Variants in QRSL1 observed in about 807,000 individuals in gnomAD.
QRSL1 encodes glutaminyl-tRNA amidotransferase subunit QRSL1, also known as glutamyl-tRNA(Gln) amidotransferase subunit A, mitochondrial.
Under a neutral mutation model 61.6 loss-of-function variants are expected in QRSL1, and 54 were observed. The observed-to-expected ratio is 0.88, with a 90% CI of 0.70 to 1.10. The LOEUF (loss-of-function observed/expected upper bound fraction) is 1.10. QRSL1 is among the 50% of genes least tolerant of loss of function. The probability of loss-of-function intolerance (pLI) is 0.00; values close to 1 mark genes in which losing one functional copy is unlikely to be tolerated. For missense variants in QRSL1, 505 were observed against 622.6 expected, an observed-to-expected ratio of 0.81 and a Z score of 2.01; for synonymous variants, 228 against 225.7, an observed-to-expected ratio of 1.01 and a Z score of -0.09.
At chr6:106,646,887 G>T (rs1018385723) in intron 4 of QRSL1, among the ~76,000 whole-genome samples, 1 of 151,754 alleles carries the variant, frequency 6.6e-6, no homozygotes, top group Non-Finnish European at 1.5e-5. Flanking sequence ...AATTAGCCGG[G>T]CGTGGTGGCG....
In QRSL1 at chr6:106,662,221, GCTGT is replaced by G. The variant is rs201738176; in HGVS notation, c.1161-756_1161-753del. Among the ~76,000 whole-genome samples the G allele has an allele frequency of 5.7e-3, 861 of 152,214 alleles. 12 individuals carry two copies. Among genetic ancestry groups the G allele is most frequent in the African/African-American group, 0.02 (836 of 41,528 alleles). The stretch of plus-strand genomic sequence containing the variant: ...AAATTCAAATACTGCATAGTCTACC[GCTGT>G]CTATCTTAGTAACCTTTAGAAAGCC... On this transcript the variant is annotated intron_variant, in intron 9 of 10. Coordinates refer to ENST00000369046, the MANE Select transcript of QRSL1 (RefSeq NM_018292.5).
intron 5 of QRSL1, among the ~76,000 whole-genome samples, 170 bp downstream of exon 5, chr6:106,649,371 C>T (rs1273609088): frequency 6.6e-6 from 1 of 151,916 alleles, no homozygotes; most frequent in East Asian, 1.9e-4. Flanking sequence ...CTGTACAGTA[C>T]ACTATGTATA....
chr6:106,649,100 G>C lies in QRSL1; in HGVS notation c.456G>C (p.Arg152Ser). ...ATTCAAAACAATATAGAGAAAAGAG[G>C]AAGCAGAATCCCCACAGCGAGAATG... is the stretch of plus-strand genomic sequence containing the variant. ...WSYSKQYREK[R>S]KQNPHSENED... Residue 152 changes from arginine to serine, a missense_variant, in exon 5 of 11, where the codon AGG becomes AGC. Arg to Ser is a moderately radical substitution (Grantham distance 110, BLOSUM62 -1). Transcript: ENST00000369046. 2 of 1,614,178 alleles carry C rather than the reference G, an allele frequency of 1.2e-6. No individual in the cohort carries two copies. The highest frequency in any genetic ancestry group is 1.7e-6 in the Non-Finnish European group (2 of 1,180,018).
At chr6:106,638,585 C>T (rs992052066) in intron 1 of QRSL1, among the ~76,000 whole-genome samples, 2 of 151,938 alleles carry the variant, frequency 1.3e-5, no homozygotes, top group African/African-American at 4.8e-5. Context: ...ATTACAGGCG[C>T]GAACCACTGT....
intron 7 of QRSL1, 92 bp downstream of exon 7, chr6:106,652,674 T>C: frequency 1.3e-6 from 2 of 1,577,824 alleles, no homozygotes. Flanking sequence ...TTTGAATCTC[T>C]GCTCTGCCAC....
At chr6:106,634,000 A>G (rs1776880471) in intron 1 of QRSL1, among the ~76,000 whole-genome samples, 1 of 152,048 alleles carries the variant, frequency 6.6e-6, no homozygotes, top group African/African-American at 2.4e-5. Context: ...AGTACTATGG[A>G]GAAAAATTAA....
chr6:106,642,811 A>C (rs1777043303), intron 3 of QRSL1, 183 bp from the exon 4 acceptor site: 2 of 749,476 alleles, frequency 2.7e-6, no homozygotes, highest in Middle Eastern at 6.7e-4. Context: ...CCAAAGAGAA[A>C]GGTACCTGGG....
intron 4 of QRSL1, among the ~76,000 whole-genome samples, chr6:106,647,733 C>A (rs1432127773): frequency 3.1e-5 from 4 of 130,648 alleles, no homozygotes; most frequent in African/African-American, 1.2e-4. Context: ...TCACTGCAAG[C>A]TCCGCCTCCC....
intron 8 of QRSL1, 93 bp downstream of exon 8, chr6:106,655,015 A>C: frequency 8.4e-7 from 1 of 1,184,154 alleles, no homozygotes; most frequent in East Asian, 2.4e-5. Context: ...TGCTTGAGAT[A>C]ATGTTAGTGA....
chr6:106,652,329 G>A lies in QRSL1; in HGVS notation c.678G>A (p.Ser226=), dbSNP rs112965704. The change falls in exon 6 of 11, where the codon TCG becomes TCA. Residue 226 remains serine (S), a synonymous_variant. Coordinates refer to ENST00000369046, the MANE Select transcript of QRSL1 (RefSeq NM_018292.5). The stretch of plus-strand genomic sequence containing the variant: ...ATGGTCTCATTCCCCTGGTGAATTC[G>A]ATGGATGTGCCAGGAATCTTAACCA... ...SRHGLIPLVN[S]MDVPGILTRC... is the part of the protein sequence containing the mutation. The A allele has an allele frequency of 1.8e-4, 296 of 1,614,156 alleles. No individual in the cohort carries two copies. The African/African-American group carries it at 3.4e-3, about 19-fold the overall frequency.
intron 2 of QRSL1, 66 bp from the exon 3 acceptor site, chr6:106,640,754 TAAC>T: frequency 7.6e-7 from 1 of 1,323,076 alleles, no homozygotes; most frequent in Non-Finnish European, 1.1e-6. Flanking sequence ...GTTACTGTAA[TAAC>T]ATGTATTCAT....
At chr6:106,644,606 C>G (rs990853508) in intron 4 of QRSL1, among the ~76,000 whole-genome samples, 1 of 152,096 alleles carries the variant, frequency 6.6e-6, no homozygotes, top group South Asian at 2.1e-4. Flanking sequence ...CTACAACCTC[C>G]GCCTCCCAGG....
At chr6:106,638,829 G>A (rs1776963395) in intron 1 of QRSL1, among the ~76,000 whole-genome samples, 6 of 152,184 alleles carry the variant, frequency 3.9e-5, no homozygotes, top group Non-Finnish European at 5.9e-5. Flanking sequence ...ATGCCATTGC[G>A]TTGATGATTT....
In QRSL1 at chr6:106,629,589, A is replaced by C; in HGVS notation, c.-93A>C. 6.7e-7 allele frequency: 1 copy of C among 1,489,432 alleles called. No individual in the cohort carries two copies. The highest frequency in any genetic ancestry group is 9.1e-7 in the Non-Finnish European group (1 of 1,098,428). 92.3% of individuals were successfully genotyped at this position (1,489,432 alleles called of 1,614,324 possible). A position where few individuals can be genotyped will look rare whatever the true frequency, so the allele number is the denominator to read the frequency against. On this transcript the variant is annotated 5_prime_UTR_variant, in exon 1 of 11. Coordinates refer to ENST00000369046, the MANE Select transcript of QRSL1 (RefSeq NM_018292.5). ...GTGTTGAAGGGCTCAGTGACAATTA[A>C]AGATGGCTGCGCCCATGTAACATCA... is the stretch of plus-strand genomic sequence containing the variant.
intron 1 of QRSL1, among the ~76,000 whole-genome samples, chr6:106,635,181 T>C (rs1776900839): frequency 6.6e-6 from 1 of 151,384 alleles, no homozygotes; most frequent in Non-Finnish European, 1.5e-5. Context: ...ACCTGGGAAG[T>C]TGAGTGTAAA....
chr6:106,652,180 T>C, intron 5 of QRSL1, 29 bp from the exon 6 acceptor site: 1 of 1,571,064 alleles, frequency 6.4e-7, no homozygotes, highest in African/African-American at 1.4e-5. Context: ...TATATCATTC[T>C]TCTAAAGATA....
At position 106,649,132 on chromosome 6, in the gene QRSL1, C is replaced by G. The variant is rs1462153213; in HGVS notation, c.488C>G (p.Ser163Ter). The G allele has an allele frequency of 1.9e-6, 3 of 1,614,062 alleles. No individual in the cohort carries two copies. The highest frequency in any genetic ancestry group is 2.5e-6 in the Non-Finnish European group (3 of 1,180,028). Residue 163 changes from serine to a stop codon, truncating the protein, a stop_gained, in exon 5 of 11, where the codon TCA becomes TGA. Coordinates refer to ENST00000369046, the MANE Select transcript of QRSL1 (RefSeq NM_018292.5). LOFTEE classifies it high-confidence loss of function. The part of the protein sequence containing the change: ...KQNPHSENED[S>*]DWLITGGSSG... ...AATCCCCACAGCGAGAATGAAGATT[C>G]AGACTGGCTGATAACTGGAGGAAGC...
At chr6:106,639,861 T>G (rs1430089889) in intron 1 of QRSL1, among the ~76,000 whole-genome samples, 1 of 152,200 alleles carries the variant, frequency 6.6e-6, no homozygotes, top group Non-Finnish European at 1.5e-5. Context: ...AGCATTTCTC[T>G]TAATTCATAG....
intron 2 of QRSL1, 91 bp from the exon 3 acceptor site, chr6:106,640,732 C>A: frequency 8.3e-7 from 1 of 1,210,470 alleles, no homozygotes. Context: ...GTATCTTTGC[C>A]AAAAACTAGT....
Sources: gnomAD v4.1 joint callset for allele counts (sites outside exome capture counted in the v4.1 genomes callset) on GRCh38, gnomAD v4.1.1 for gene constraint, MANE v1.5 for transcripts, NCBI Gene and HGNC (gene_info 2026-07-23, HGNC 2026-07-21) for gene names.